B3GLCT: variants seen among roughly 807,000 people sequenced by gnomAD.
B3GLCT encodes beta 3-glucosyltransferase.
B3GLCT carries 65 observed loss-of-function variants against 63.4 expected under a neutral mutation model. That is an observed-to-expected ratio of 1.03 (90% CI 0.84 to 1.26). The LOEUF is 1.26. B3GLCT is among the 50% of genes most tolerant of loss of function. The probability of loss-of-function intolerance (pLI) is 0.00; values close to 1 mark genes in which losing one functional copy is unlikely to be tolerated. For missense variants in B3GLCT, 577 were observed against 604.8 expected (o/e 0.95, Z 0.48); for synonymous variants, 233 against 219.2 (o/e 1.06, Z -0.55).
At chr13:31,325,433 A>G (rs769186361) in intron 14 of B3GLCT, among the ~76,000 whole-genome samples, 15 of 152,236 alleles carry the variant, frequency 9.9e-5, no homozygotes, top group Middle Eastern at 3.2e-3. Context: ...TATCAAGGTT[A>G]GTGTGACAGG....
rs146723527 is a variant in B3GLCT at position 31,266,091 on chromosome 13, G to A, written c.597-3123G>A. Among the ~76,000 whole-genome samples, 1,342 of 151,974 alleles carry A rather than the reference G, an allele frequency of 8.8e-3. 22 individuals are homozygous for A. The highest frequency in any genetic ancestry group is 0.031 in the African/African-American group (1,273 of 41,432). On this transcript the variant is annotated intron_variant, in intron 7 of 14. Transcript: ENST00000343307. ...CTCGCTCACTGCAAGTTCCACCCCC[G>A]GGTTCACGCCATTCTCCTGCCTCAG...
At chr13:31,248,464 G>GA (rs1871290835) in intron 6 of B3GLCT, among the ~76,000 whole-genome samples, 1 of 152,004 alleles carries the variant, frequency 6.6e-6, no homozygotes, top group Non-Finnish European at 1.5e-5. Context: ...TGGTTAGAAG[G>GA]AAAACATCTC....
chr13:31,255,339 A>T (rs929457169), intron 6 of B3GLCT, among the ~76,000 whole-genome samples: 1 of 152,212 alleles, frequency 6.6e-6, no homozygotes, highest in Non-Finnish European at 1.5e-5. Flanking sequence ...ATGCTCATGG[A>T]TAGGAAGAAT....
chr13:31,208,551 C>T (rs1424736727), intron 1 of B3GLCT, among the ~76,000 whole-genome samples: 1 of 151,670 alleles, frequency 6.6e-6, no homozygotes, highest in East Asian at 1.9e-4. Flanking sequence ...GCCCCAGGCC[C>T]TCCCTTCCCG....
intron 12 of B3GLCT, chr13:31,312,842 G>A (rs1003679148): frequency 2.6e-5 from 4 of 152,174 alleles, no homozygotes; most frequent in African/African-American, 7.2e-5. Flanking sequence ...AAATAGCAGA[G>A]GTTAATAGCA....
intron 9 of B3GLCT, among the ~76,000 whole-genome samples, chr13:31,275,772 G>GATAA (rs1872753665): frequency 6.6e-6 from 1 of 152,046 alleles, no homozygotes. Flanking sequence ...CATTTGAAGA[G>GATAA]ATAAATACAT....
intron 12 of B3GLCT, among the ~76,000 whole-genome samples, chr13:31,290,059 TC>T (rs1458017906): frequency 6.6e-6 from 1 of 152,174 alleles, no homozygotes; most frequent in African/African-American, 2.4e-5. Context: ...GATGTTCCCC[TC>T]CCTGTGTCCA....
At chr13:31,202,635 TA>T (rs1277896260) in intron 1 of B3GLCT, among the ~76,000 whole-genome samples, 2 of 152,164 alleles carry the variant, frequency 1.3e-5, no homozygotes, top group Non-Finnish European at 1.5e-5. Flanking sequence ...CCTTTGCATA[TA>T]GGGGCAGCTA....
chr13:31,275,893 A>ATGCT (rs1276522372), intron 9 of B3GLCT, among the ~76,000 whole-genome samples: 4 of 152,182 alleles, frequency 2.6e-5, no homozygotes, highest in African/African-American at 9.7e-5. Flanking sequence ...TCTAGGCAGA[A>ATGCT]TGCTTGCTTG....
intron 12 of B3GLCT, among the ~76,000 whole-genome samples, chr13:31,300,692 C>A (rs1331210495): frequency 6.6e-6 from 1 of 152,016 alleles, no homozygotes; most frequent in Non-Finnish European, 1.5e-5. Context: ...CAGTTGGTTA[C>A]CAGAAGGCAA....
intron 1 of B3GLCT, among the ~76,000 whole-genome samples, chr13:31,210,597 G>T (rs1869206361): frequency 1.3e-5 from 2 of 152,118 alleles, no homozygotes; most frequent in Admixed American, 1.3e-4. Flanking sequence ...TTCTCACTTT[G>T]CTCATCTCTT....
intron 6 of B3GLCT, among the ~76,000 whole-genome samples, chr13:31,255,505 G>A (rs562640146): frequency 1.3e-5 from 2 of 152,276 alleles, no homozygotes; most frequent in South Asian, 4.1e-4. Context: ...ACAATGCTAA[G>A]CAAAAAGAAC....
chr13:31,325,332 T>C (rs1377494973), intron 14 of B3GLCT, among the ~76,000 whole-genome samples: 1 of 152,224 alleles, frequency 6.6e-6, no homozygotes, highest in African/African-American at 2.4e-5. Flanking sequence ...AGCGTTATTC[T>C]CTGCGGTTCC....
chr13:31,310,322 C>T (rs1296187164), intron 12 of B3GLCT, among the ~76,000 whole-genome samples: 1 of 152,212 alleles, frequency 6.6e-6, no homozygotes. Context: ...CCCTCCTCCA[C>T]CTGGCTCACT....
intron 12 of B3GLCT, among the ~76,000 whole-genome samples, chr13:31,300,546 G>A (rs936426761): frequency 6.6e-6 from 1 of 152,226 alleles, no homozygotes; most frequent in Non-Finnish European, 1.5e-5. Context: ...GTGGGCAGGG[G>A]GCTAGGGAAT....
chr13:31,274,644 A>C lies in B3GLCT; in HGVS notation c.780+16A>C. 6.2e-7 allele frequency: 1 copy of C among 1,614,188 alleles called. No individual in the cohort carries two copies. The highest frequency in any genetic ancestry group is 8.5e-7 in the Non-Finnish European group (1 of 1,180,000). On this transcript the variant is annotated intron_variant, in intron 9 of 14. Transcript: ENST00000343307. ...ACCGCTTTGTGTGAGTAACAGAAGA[A>C]AAACTTCTTTGCATATCAAAGGAAA...
chr13:31,302,355 T>C (rs1271520465), intron 12 of B3GLCT, among the ~76,000 whole-genome samples: 1 of 151,962 alleles, frequency 6.6e-6, no homozygotes, highest in Non-Finnish European at 1.5e-5. Flanking sequence ...AGCTCCGGTC[T>C]ACAGCTCCCA....
In B3GLCT at chr13:31,269,367, A is replaced by G. The variant is rs1593286662; in HGVS notation, c.660+90A>G. On this transcript the variant is annotated intron_variant, in intron 8 of 14. Transcript: ENST00000343307. Reference sequence around the variant, plus strand: ...GGTATTTTGCATTCCCTAATCTTGCATTTTCCCCACCCACATCTACTCCCC... The same window carrying G: ...GGTATTTTGCATTCCCTAATCTTGCGTTTTCCCCACCCACATCTACTCCCC... 6.4e-6 allele frequency: 6 copies of G among 933,086 alleles called. No homozygotes were observed. In the East Asian group the frequency reaches 1.5e-4, roughly 24 times the overall value. 57.8% of individuals were successfully genotyped at this position (933,086 alleles called of 1,614,324 possible). A position where few individuals can be genotyped will look rare whatever the true frequency, so the allele number is the denominator to read the frequency against.
intron 6 of B3GLCT, 108 bp downstream of exon 6, chr13:31,248,074 A>T: frequency 1.5e-6 from 1 of 673,448 alleles, no homozygotes; most frequent in South Asian, 1.7e-5. Context: ...CTTAGTTTAA[A>T]ATTAAAAAGA....
Sources: gnomAD v4.1 joint callset for allele counts (sites outside exome capture counted in the v4.1 genomes callset) on GRCh38, gnomAD v4.1.1 for gene constraint, MANE v1.5 for transcripts, NCBI Gene and HGNC (gene_info 2026-07-23, HGNC 2026-07-21) for gene names.